The following USP32 variants were observed in gnomAD, a reference collection of about 807,000 sequenced individuals.
The protein encoded by USP32 is ubiquitin carboxyl-terminal hydrolase 32.
USP32 carries 59 observed loss-of-function variants against 204.8 expected under a neutral mutation model. The ratio of observed to expected loss-of-function variants is 0.29; its 90% CI spans 0.23 to 0.36. The LOEUF (loss-of-function observed/expected upper bound fraction) is 0.36, where lower values mean the gene tolerates loss of function less well. Ranked by LOEUF, USP32 falls within the 10% of genes least tolerant of loss-of-function variation. USP32 has a pLI of 1.00. For missense variants in USP32, 1,160 were observed against 1,946.4 expected (o/e 0.60, Z 7.60); for synonymous variants, 517 against 678.4 (o/e 0.76, Z 3.70).
chr17:60,408,248 T>C (rs1010393358), intron 1 of USP32, among the ~76,000 whole-genome samples: 4 of 151,958 alleles, frequency 2.6e-5, no homozygotes, highest in African/African-American at 7.3e-5. Flanking sequence ...ATAAGAATGA[T>C]GAAACAGCTA....
chr17:60,415,980 C>T (rs924132850), intron 1 of USP32, among the ~76,000 whole-genome samples: 45 of 152,096 alleles, frequency 3.0e-4, no homozygotes, highest in Admixed American at 2.9e-3. Context: ...GCTATGACTA[C>T]AGGCACGTGC....
intron 1 of USP32, among the ~76,000 whole-genome samples, chr17:60,408,562 G>A (rs1285219981): frequency 6.6e-6 from 1 of 152,040 alleles, no homozygotes; most frequent in East Asian, 1.9e-4. Context: ...ATTTTTAGTA[G>A]AGATGGGGTT....
intron 1 of USP32, among the ~76,000 whole-genome samples, chr17:60,403,626 A>G (rs2089952946): frequency 6.6e-6 from 1 of 152,114 alleles, no homozygotes; most frequent in Non-Finnish European, 1.5e-5. Flanking sequence ...ACCTGCTCTT[A>G]GTTAGTATAC....
At chr17:60,224,868 G>A (rs1368587949) in intron 13 of USP32, among the ~76,000 whole-genome samples, 1 of 152,096 alleles carries the variant, frequency 6.6e-6, no homozygotes, top group Non-Finnish European at 1.5e-5. Flanking sequence ...CAATTCAGCT[G>A]GGCCATAGAA....
intron 2 of USP32, chr17:60,315,853 G>A (rs2087963352): frequency 6.4e-6 from 1 of 155,056 alleles, no homozygotes; most frequent in Non-Finnish European, 1.4e-5. Context: ...AAAACAGATT[G>A]CCTGCAAACT....
At chr17:60,392,264 A>C, upstream of USP32, 20 of 293,414 alleles carry the variant, frequency 6.8e-5, no homozygotes, top group East Asian at 3.2e-4. Flanking sequence ...GCCGAGGGTC[A>C]CGGGACCCGA....
intron 1 of USP32, among the ~76,000 whole-genome samples, chr17:60,389,419 T>C (rs1298015647): frequency 2.0e-5 from 3 of 152,002 alleles, no homozygotes; most frequent in Non-Finnish European, 2.9e-5. Flanking sequence ...GGCATGCGCC[T>C]GTAGTCCCAG....
chr17:60,210,683 T>C (rs1264817835), intron 21 of USP32, among the ~76,000 whole-genome samples: 1 of 152,262 alleles, frequency 6.6e-6, no homozygotes, highest in Non-Finnish European at 1.5e-5. Flanking sequence ...TTAATAAGAC[T>C]CTGAGGTCCA....
At chr17:60,329,480 A>ATT (rs113454063) in intron 2 of USP32, among the ~76,000 whole-genome samples, 14 of 144,954 alleles carry the variant, frequency 9.7e-5, no homozygotes, top group African/African-American at 3.5e-4. Flanking sequence ...GTTTTTATTT[A>ATT]TTTTTTTTTT....
intron 1 of USP32, among the ~76,000 whole-genome samples, chr17:60,374,983 A>C (rs1158442112): frequency 6.6e-6 from 1 of 152,234 alleles, no homozygotes; most frequent in Non-Finnish European, 1.5e-5. Context: ...AATACTAAAC[A>C]CTAATTTGAA....
chr17:60,226,104 G>A lies in USP32; in HGVS notation c.1367C>T (p.Thr456Ile). Reference sequence around the variant, plus strand: ...GTTGTCTGAAAATTTCTCTTCTGTAGTATTCACGTAACTGAGGCTGCTTCC... The same window carrying A: ...GTTGTCTGAAAATTTCTCTTCTGTAATATTCACGTAACTGAGGCTGCTTCC... ...RIGSSLSYVN[T>I]TEEKFSDNIS... The change falls in exon 13 of 34, where the codon ACT (threonine) becomes ATT (isoleucine). Residue 456 changes from threonine to isoleucine, a missense_variant. Thr to Ile is a moderately conservative substitution (Grantham distance 89). Coordinates refer to ENST00000300896, the MANE Select transcript of USP32 (RefSeq NM_032582.4). 1.2e-6 allele frequency: 2 copies of A among 1,608,124 alleles called. No homozygotes were observed. The highest frequency in any genetic ancestry group is 4.5e-5 in the East Asian group (2 of 44,538).
intron 5 of USP32, among the ~76,000 whole-genome samples, chr17:60,286,284 T>C (rs1038146278): frequency 1.3e-5 from 2 of 152,162 alleles, no homozygotes. Context: ...CCTCAGAATA[T>C]GGCCTTATTT....
rs146580750 is a variant in USP32 at position 60,190,629 on chromosome 17, A to G, written c.3576T>C (p.Asn1192=). The G allele has an allele frequency of 6.8e-6, 11 of 1,606,674 alleles. No homozygotes were observed. The highest frequency in any genetic ancestry group is 9.3e-6 in the Non-Finnish European group (11 of 1,178,108). Residue 1192 remains asparagine (N), a synonymous_variant, in exon 29 of 34, where the codon AAT becomes AAC. Transcript: ENST00000300896. ...DCGEDRAFIG[N]AYIAVDWDPT... ...GATCCCAATCCACAGCGATATAGGC[A>G]TTTCCAATGAAAGCTCTGTCTTCCC...
At chr17:60,272,813 T>C (rs895279438) in intron 5 of USP32, among the ~76,000 whole-genome samples, 1 of 152,134 alleles carries the variant, frequency 6.6e-6, no homozygotes, top group Non-Finnish European at 1.5e-5. Flanking sequence ...TAGCTGAAAT[T>C]TGCAAAACAG....
At chr17:60,231,393 A>G (rs1356932057) in intron 12 of USP32, 1 of 319,140 alleles carries the variant, frequency 3.1e-6, no homozygotes, top group Non-Finnish European at 6.5e-6. Context: ...AGTGCTAGAT[A>G]AAGTAATAAA....
At chr17:60,258,307 T>C in intron 9 of USP32, 1 of 182,654 alleles carries the variant, frequency 5.5e-6, no homozygotes, top group Non-Finnish European at 1.3e-5. Flanking sequence ...CTGTTGTCAG[T>C]TTGAGGATGA....
Position 60,391,920 on chromosome 17 carries a change from C to T in USP32, c.20G>A (p.Arg7Gln), listed in dbSNP as rs1278420167. The change falls in exon 1 of 34, where the codon CGG becomes CAG. Residue 7 changes from arginine to glutamine, a missense_variant. Arg to Gln is a conservative substitution (Grantham distance 43, BLOSUM62 1). Transcript: ENST00000300896. MGAKESRIGFLSYEEAL... is the reference protein window; with the variant it reads MGAKESQIGFLSYEEAL... ...CTCCTCGTAGCTGAGGAATCCGATC[C>T]GTGACTCCTTGGCACCCATGCTCCC... The T allele has an allele frequency of 1.9e-6, 3 of 1,612,756 alleles. No individual in the cohort carries two copies. The highest frequency in any genetic ancestry group is 1.3e-5 in the African/African-American group (1 of 74,960).
At chr17:60,338,620 C>T (rs1465172210) in intron 2 of USP32, among the ~76,000 whole-genome samples, 1 of 152,100 alleles carries the variant, frequency 6.6e-6, no homozygotes, top group East Asian at 1.9e-4. Context: ...TTCCCAGCTA[C>T]TTGAGAGGCT....
At chr17:60,202,974 G>A (rs141376143) in intron 26 of USP32, among the ~76,000 whole-genome samples, 5,174 of 149,570 alleles carry the variant, frequency 0.035, 318 homozygotes, top group African/African-American at 0.12. Context: ...TTGCAGTTAT[G>A]CAGTCACAAG....
Sources: allele counts gnomAD v4.1 joint callset (sites outside exome capture counted in the v4.1 genomes callset), GRCh38; gene constraint gnomAD v4.1.1; transcripts MANE v1.5; gene names NCBI Gene and HGNC (gene_info 2026-07-23, HGNC 2026-07-21).